CCDC30: variants seen among roughly 807,000 people sequenced by gnomAD.
CCDC30 encodes coiled-coil domain-containing protein 30.
In CCDC30, 70 loss-of-function variants were observed where a neutral mutation model predicts 100.2. The ratio of observed to expected loss-of-function variants is 0.70; its 90% CI spans 0.58 to 0.85. The LOEUF (loss-of-function observed/expected upper bound fraction) is 0.85, where lower values mean the gene tolerates loss of function less well. CCDC30 is among the 40% of genes least tolerant of loss of function. The pLI is 0.00. For synonymous variants in CCDC30, 233 were observed against 269.5 expected, an observed-to-expected ratio of 0.86 and a Z score of 1.33; for missense variants, 652 against 771.2, an observed-to-expected ratio of 0.85 and a Z score of 1.83.
chr1:42,578,742 T>C (rs1033175992), intron 8 of CCDC30, among the ~76,000 whole-genome samples: 2 of 152,182 alleles, frequency 1.3e-5, no homozygotes, highest in Non-Finnish European at 2.9e-5. Flanking sequence ...CATGCATGTA[T>C]GTATCAGGAA....
intron 6 of CCDC30, among the ~76,000 whole-genome samples, chr1:42,518,169 A>G (rs1039509428): frequency 6.6e-6 from 1 of 152,148 alleles, no homozygotes. Context: ...TTTATTGTAC[A>G]AGTCTTTCAC....
chr1:42,483,447 G>A (rs570797673), intron 3 of CCDC30, among the ~76,000 whole-genome samples: 2 of 152,214 alleles, frequency 1.3e-5, no homozygotes, highest in South Asian at 2.1e-4. Flanking sequence ...GGTCTTCCAA[G>A]GTAATTATAC....
chr1:42,464,444 A>G (rs1643503864), intron 1 of CCDC30, among the ~76,000 whole-genome samples: 1 of 152,204 alleles, frequency 6.6e-6, no homozygotes, highest in Non-Finnish European at 1.5e-5. Context: ...TGGGGATATG[A>G]TGTAATTTTC....
intron 8 of CCDC30, chr1:42,580,769 TTGA>T (rs1490345006): frequency 4.5e-6 from 2 of 447,466 alleles, no homozygotes; most frequent in Non-Finnish European, 8.9e-6. Flanking sequence ...AAACCTATTA[TTGA>T]TGCTAAGCAA....
At position 42,536,342 on chromosome 1, in the gene CCDC30, C is replaced by T. The variant is rs1485385956; in HGVS notation, c.457-29954C>T. ...TAGAGAGAAAAATGTATCTTATGAG[C>T]TATAAACTAGTTTTCCTAGGTTCAT... On this transcript the variant is annotated intron_variant, in intron 6 of 16. Transcript: ENST00000668663. 5.5e-6 allele frequency: 3 copies of T among 545,408 alleles called. No individual in the cohort carries two copies. The Admixed American group carries it at 1.0e-4, about 19-fold the overall frequency. The allele number at this position is 545,408 out of a possible 1,614,324, so 33.8% of individuals were successfully genotyped here.
At chr1:42,585,815 C>G (rs1206596767) in intron 9 of CCDC30, among the ~76,000 whole-genome samples, 1 of 151,910 alleles carries the variant, frequency 6.6e-6, no homozygotes, top group East Asian at 1.9e-4. Context: ...TGTTGTTTAT[C>G]CCAAATATTT....
At chr1:42,498,524 T>C (rs1644262187) in intron 5 of CCDC30, among the ~76,000 whole-genome samples, 1 of 152,180 alleles carries the variant, frequency 6.6e-6, no homozygotes, top group Non-Finnish European at 1.5e-5. Context: ...AAGTGAAGAT[T>C]GGTAAGTTGT....
chr1:42,579,862 G>A (rs12134725), intron 8 of CCDC30, among the ~76,000 whole-genome samples: 32,503 of 151,432 alleles, frequency 0.21, 4,538 homozygotes, highest in Non-Finnish European at 0.29. Context: ...GGGCATAGTA[G>A]CACATGCATG....
chr1:42,486,146 C>T (rs1189696713), intron 3 of CCDC30, among the ~76,000 whole-genome samples: 1 of 152,174 alleles, frequency 6.6e-6, no homozygotes, highest in Non-Finnish European at 1.5e-5. Flanking sequence ...GAAATGAAAA[C>T]ATGTATCAAC....
intron 6 of CCDC30, among the ~76,000 whole-genome samples, chr1:42,538,149 C>CA (rs776412637): frequency 0.019 from 1,600 of 82,152 alleles, 121 homozygotes; most frequent in Non-Finnish European, 0.024. Flanking sequence ...ACTGTCTCCA[C>CA]AAAAAAAAAA....
intron 6 of CCDC30, among the ~76,000 whole-genome samples, chr1:42,503,521 G>A (rs1037505728): frequency 7.1e-6 from 1 of 141,768 alleles, no homozygotes; most frequent in South Asian, 2.3e-4. Context: ...ATGCAAATGG[G>A]CTTTCTACTT....
At chr1:42,574,844 T>G (rs1211278372) in intron 7 of CCDC30, among the ~76,000 whole-genome samples, 3 of 152,186 alleles carry the variant, frequency 2.0e-5, no homozygotes, top group African/African-American at 7.2e-5. Flanking sequence ...AGCTCTGTAT[T>G]TCAAATGCAG....
At position 42,596,741 on chromosome 1, in the gene CCDC30, A is replaced by C. The variant is rs58188294; in HGVS notation, c.1164+7258A>C. ...ACAAGACACGCTAAAAGGCAAAAAAACAAACAAACAAACAAACAAAAACAG... is the reference window on the plus strand; with the variant it reads ...ACAAGACACGCTAAAAGGCAAAAAACCAAACAAACAAACAAACAAAAACAG... On this transcript the variant is annotated intron_variant, in intron 10 of 16. Transcript: ENST00000668663. The surrounding 1 kb of genome is among the most constrained non-coding windows in gnomAD (Gnocchi z 4.3). 0.014 allele frequency among the ~76,000 whole-genome samples: 1,251 copies of C among 90,034 alleles called. 14 individuals carry two copies. Among genetic ancestry groups the C allele is most frequent in the African/African-American group, 0.044 (1,132 of 25,978 alleles). The allele number at this position is 90,034 out of a possible 152,430, so 59.1% of individuals were successfully genotyped here. A position where few individuals can be genotyped will look rare whatever the true frequency, so the allele number is the denominator to read the frequency against.
chr1:42,511,352 A>AG (rs1233412138), intron 6 of CCDC30, among the ~76,000 whole-genome samples: 3 of 152,174 alleles, frequency 2.0e-5, no homozygotes, highest in African/African-American at 7.2e-5. Context: ...ACTATGTAAT[A>AG]GTTGCATTTG....
At chr1:42,655,333 G>A (rs536575606), downstream of CCDC30, among the ~76,000 whole-genome samples, 2 of 152,254 alleles carry the variant, frequency 1.3e-5, no homozygotes, top group Admixed American at 1.3e-4. Flanking sequence ...CCTGAGGTCA[G>A]GAGTTCGAGA....
chr1:42,625,479 GT>G (rs903151247), intron 11 of CCDC30, among the ~76,000 whole-genome samples: 19 of 150,184 alleles, frequency 1.3e-4, no homozygotes, highest in Middle Eastern at 3.2e-3. Context: ...TTATTTGCAG[GT>G]TTTTTTTTAT....
In CCDC30 at chr1:42,577,152, CAG is replaced by C; in HGVS notation, c.772_773del (p.Ser258HisfsTer2). On this transcript the variant is annotated frameshift_variant, in exon 8 of 17. Coordinates refer to ENST00000668663, the Ensembl canonical transcript of CCDC30. LOFTEE classifies it high-confidence loss of function. ...GGAGTTGGAAGTACTTAAACACACT[CAG>C]AGCATTAAATCACAGAACAACCTAC... is the stretch of plus-strand genomic sequence containing the variant. 6.2e-7 allele frequency: 1 copy of C among 1,614,102 alleles called. No homozygotes were observed. Among genetic ancestry groups the C allele is most frequent in the Non-Finnish European group, 8.5e-7 (1 of 1,179,980 alleles).
exon 15 of CCDC30, chr1:42,646,184 C>T (rs1444629642): frequency 1.9e-6 from 3 of 1,601,454 alleles, no homozygotes; most frequent in Non-Finnish European, 2.6e-6. Flanking sequence ...GGCAAGCTGG[C>T]TTCTCTCCCT....
intron 6 of CCDC30, chr1:42,556,388 G>C: frequency 6.2e-7 from 1 of 1,610,764 alleles, no homozygotes; most frequent in Non-Finnish European, 8.5e-7. Context: ...GGATAGTTCA[G>C]ATGACAGTGG....
Sources: gnomAD v4.1 joint callset for allele counts (sites outside exome capture counted in the v4.1 genomes callset) on GRCh38, gnomAD v4.1.1 for gene constraint, Gnocchi (gnomAD v3.1) non-coding constraint, MANE v1.5 for transcripts, NCBI Gene and HGNC (gene_info 2026-07-23, HGNC 2026-07-21) for gene names.